The following TSKU variants were observed in gnomAD, a reference collection of about 807,000 sequenced individuals.
The protein encoded by TSKU is tsukushi, small leucine rich proteoglycan.
Under a neutral mutation model 11.2 loss-of-function variants are expected in TSKU, and 4 were observed. That is an observed-to-expected ratio of 0.36 (90% confidence interval 0.18 to 0.82). The LOEUF is 0.82. TSKU is among the 40% of genes least tolerant of loss of function. The pLI is 0.50. For synonymous variants in TSKU, 220 were observed against 232.2 expected (o/e 0.95, Z 0.48); for missense variants, 407 against 482.5 (o/e 0.84, Z 1.47).
chr11:76,788,675 G>A (rs999297327), intron 1 of TSKU, among the ~76,000 whole-genome samples: 1 of 152,116 alleles, frequency 6.6e-6, no homozygotes, highest in Non-Finnish European at 1.5e-5. Context: ...GAGGACCCTC[G>A]GAGCGGGTCC....
chr11:76,783,087 ATGCAGGAAGCTG>A (rs1944255403), upstream of TSKU: 1 of 152,244 alleles, frequency 6.6e-6, no homozygotes, highest in Non-Finnish European at 1.5e-5. Flanking sequence ...GGGATCCGGG[ATGCAGGAAGCTG>A]TGAGCGAGGC....
intron 1 of TSKU, chr11:76,792,892 TAA>T (rs1944393014): frequency 6.6e-6 from 1 of 152,432 alleles, no homozygotes; most frequent in African/African-American, 2.4e-5. Context: ...TCACTCCTGC[TAA>T]AGATGGTCAG....
Position 76,796,490 on chromosome 11 carries a change from G to A in TSKU, c.874G>A (p.Val292Met), listed in dbSNP as rs745373044. ...GCTGGACCTTTCGGGCACCAACCTG[G>A]TGCCCCTGCCTGAGGCGCTGCTCCT... ...QELDLSGTNLVPLPEALLLHL... is the reference protein window; with the variant it reads ...QELDLSGTNLMPLPEALLLHL... The change falls in exon 2 of 2, where the codon GTG becomes ATG. Residue 292 changes from valine (V) to methionine (M), a missense_variant. Physicochemically the swap from Val to Met is conservative, Grantham distance 21. Transcript: ENST00000333090. This position sits in a 1 kb window ranked among gnomAD's most constrained non-coding sequence, Gnocchi z 4.1. 1.9e-6 allele frequency: 3 copies of A among 1,612,428 alleles called. No homozygotes were observed.
At chr11:76,782,303 T>G (rs897283252), upstream of TSKU, 1 of 151,300 alleles carries the variant, frequency 6.6e-6, no homozygotes. Context: ...TCTGGGCCAC[T>G]GCAGGAGGTA....
chr11:76,785,614 T>C (rs1944304036), intron 1 of TSKU, among the ~76,000 whole-genome samples: 1 of 151,898 alleles, frequency 6.6e-6, no homozygotes, highest in Admixed American at 6.6e-5. Context: ...TTGAGGGTGG[T>C]GAATTGGAAG....
chr11:76,784,960 C>T (rs1944297046), intron 1 of TSKU, among the ~76,000 whole-genome samples: 2 of 152,254 alleles, frequency 1.3e-5, no homozygotes, highest in South Asian at 4.1e-4. Flanking sequence ...CCTCAGTTTC[C>T]CTTCTGGAAG....
rs149537276 is a variant in TSKU, at chr11:76,796,022, G to A, written c.406G>A (p.Val136Met). ...ESFTSSPLSD[V>M]NLSHNQLREV... ...CTTCACCAGCTCACCCCTGAGCGACGTGAACCTTAGCCACAACCAGCTCCG... is the reference window on the plus strand; with the variant it reads ...CTTCACCAGCTCACCCCTGAGCGACATGAACCTTAGCCACAACCAGCTCCG... Residue 136 changes from valine (V) to methionine (M), a missense_variant, in exon 2 of 2, where the codon GTG becomes ATG. Val to Met is a conservative substitution (Grantham distance 21, BLOSUM62 1). Coordinates refer to ENST00000333090, the MANE Select transcript of TSKU (RefSeq NM_015516.4). The surrounding 1 kb of genome is among the most constrained non-coding windows in gnomAD (Gnocchi z 4.1). The A allele has an allele frequency of 5.4e-5, 87 of 1,613,906 alleles. No individual in the cohort carries two copies. In the African/African-American group the frequency reaches 8.3e-4, roughly 15 times the overall value.
rs1329546352 is a variant in TSKU, at chr11:76,795,661, G to A, written c.45G>A (p.Gln15=). The A allele has an allele frequency of 6.2e-7, 1 of 1,613,534 alleles. No individual in the cohort carries two copies. Among genetic ancestry groups the A allele is most frequent in the African/African-American group, 1.3e-5 (1 of 74,932 alleles). The change falls in exon 2 of 2, where the codon CAG becomes CAA. Residue 15 remains glutamine, a synonymous_variant. Coordinates refer to ENST00000333090, the MANE Select transcript of TSKU (RefSeq NM_015516.4). ...LLLLLAVSGA[Q]TTRPCFPGCQ... ...TGCTGCTGGCCGTGAGTGGGGCCCA[G>A]ACAACCCGGCCATGCTTCCCCGGGT...
At position 76,795,615 on chromosome 11, in the gene TSKU, C is replaced by T. The variant is rs1198242901; in HGVS notation, c.-2C>T. The T allele has an allele frequency of 1.9e-6, 3 of 1,608,910 alleles. No homozygotes were observed. Among genetic ancestry groups the T allele is most frequent in the Non-Finnish European group, 2.5e-6 (3 of 1,179,510 alleles). On this transcript the variant is annotated 5_prime_UTR_variant, in exon 2 of 2. Transcript: ENST00000333090. Reference sequence around the variant, plus strand: ...CCTGTGGCTCTCTTTCTAGCCCCCACCATGCCGTGGCCCCTGCTGCTGCTG... The same window carrying T: ...CCTGTGGCTCTCTTTCTAGCCCCCATCATGCCGTGGCCCCTGCTGCTGCTG...
chr11:76,796,252 G>A lies in TSKU; in HGVS notation c.636G>A (p.Leu212=). Residue 212 remains leucine (L), a synonymous_variant, in exon 2 of 2, where the codon CTG becomes CTA. Coordinates refer to ENST00000333090, the MANE Select transcript of TSKU (RefSeq NM_015516.4). The surrounding 1 kb of genome is among the most constrained non-coding windows in gnomAD (Gnocchi z 4.1). ...ACTTGCCCCTGCGCTACCTGAGCCT[G>A]GATGGGAACCCTCTAGCTGTCATTG... ...LRDLPLRYLS[L]DGNPLAVIGP... 6.2e-7 allele frequency: 1 copy of A among 1,613,454 alleles called. No individual in the cohort carries two copies. Among genetic ancestry groups the A allele is most frequent in the Non-Finnish European group, 8.5e-7 (1 of 1,179,964 alleles).
intron 1 of TSKU, among the ~76,000 whole-genome samples, chr11:76,786,864 G>A (rs1944317786): frequency 6.6e-6 from 1 of 152,158 alleles, no homozygotes; most frequent in Non-Finnish European, 1.5e-5. Flanking sequence ...CTGGGATCCT[G>A]GATGGTATGT....
In TSKU at chr11:76,795,695, G is replaced by A. The variant is rs745700923; in HGVS notation, c.79G>A (p.Glu27Lys). 3.8e-5 allele frequency: 61 copies of A among 1,614,004 alleles called. No individual in the cohort carries two copies. The highest frequency in any genetic ancestry group is 3.3e-5 in the Admixed American group (2 of 60,006). The change falls in exon 2 of 2, where the codon GAG becomes AAG. Residue 27 changes from glutamate (E) to lysine (K), a missense_variant. Transcript: ENST00000333090. ...GCCATGCTTCCCCGGGTGCCAATGC[G>A]AGGTGGAGACCTTCGGCCTTTTCGA... The part of the protein sequence containing the change: ...TRPCFPGCQC[E>K]VETFGLFDSF...
intron 1 of TSKU, among the ~76,000 whole-genome samples, chr11:76,795,305 G>C (rs1763545788): frequency 6.6e-6 from 1 of 152,222 alleles, no homozygotes; most frequent in African/African-American, 2.4e-5. Context: ...GAAGTCGAGG[G>C]CTTCAGGTCC....
At chr11:76,783,695 G>C (rs1944269116) in intron 1 of TSKU, among the ~76,000 whole-genome samples, 2 of 152,196 alleles carry the variant, frequency 1.3e-5, no homozygotes, top group African/African-American at 4.8e-5. Context: ...TTGTGGATTT[G>C]CGGTCGGGGA....
intron 1 of TSKU, among the ~76,000 whole-genome samples, chr11:76,794,077 G>A (rs1015792111): frequency 2.0e-5 from 3 of 152,190 alleles, no homozygotes; most frequent in Non-Finnish European, 4.4e-5. Flanking sequence ...GGGCCACCCA[G>A]ATGAAGAGCC....
intron 1 of TSKU, among the ~76,000 whole-genome samples, chr11:76,789,143 C>A (rs1201217538): frequency 6.6e-6 from 1 of 152,224 alleles, no homozygotes; most frequent in Non-Finnish European, 1.5e-5. Flanking sequence ...CCCCAAGGGG[C>A]CTTCCAGCTC....
intron 1 of TSKU, among the ~76,000 whole-genome samples, 168 bp downstream of exon 1, chr11:76,783,572 G>A (rs1008829181): frequency 2.0e-5 from 3 of 152,206 alleles, no homozygotes; most frequent in Admixed American, 6.5e-5. Flanking sequence ...GCCTAGGGCT[G>A]GGCGGGAGTG....
At chr11:76,794,225 C>T (rs548005880) in intron 1 of TSKU, among the ~76,000 whole-genome samples, 2 of 152,332 alleles carry the variant, frequency 1.3e-5, no homozygotes. Flanking sequence ...CATGCTGGCA[C>T]CACTGAGCAC....
chr11:76,789,661 A>T (rs573067509), intron 1 of TSKU, among the ~76,000 whole-genome samples: 50 of 152,316 alleles, frequency 3.3e-4, no homozygotes, highest in Non-Finnish European at 6.2e-4. Flanking sequence ...GTGTTTTATA[A>T]TCTGGTCAAT....
Sources: gnomAD v4.1 joint callset for allele counts (sites outside exome capture counted in the v4.1 genomes callset) on GRCh38, gnomAD v4.1.1 for gene constraint, Gnocchi (gnomAD v3.1) non-coding constraint, MANE v1.5 for transcripts, NCBI Gene and HGNC (gene_info 2026-07-23, HGNC 2026-07-21) for gene names.